The following IGFBP7 variants were observed in gnomAD, a reference collection of about 807,000 sequenced individuals.
IGFBP7 encodes insulin-like growth factor-binding protein 7.
IGFBP7 carries 31 observed loss-of-function variants against 29.4 expected under a neutral mutation model. The ratio of observed to expected loss-of-function variants is 1.05; its 90% CI spans 0.79 to 1.42. IGFBP7 has a LOEUF of 1.42. Among genes scored for constraint, IGFBP7 ranks in the 40% most tolerant of loss-of-function variants. The probability of loss-of-function intolerance (pLI) is 0.00; values close to 1 mark genes in which losing one functional copy is unlikely to be tolerated. For synonymous variants in IGFBP7, 172 were observed against 174.9 expected (o/e 0.98, Z 0.13); for missense variants, 393 against 395.5 (o/e 0.99, Z 0.05).
chr4:57,062,698 C>T (rs1045654580), intron 1 of IGFBP7, among the ~76,000 whole-genome samples: 13 of 152,096 alleles, frequency 8.5e-5, no homozygotes, highest in Admixed American at 7.2e-4. Flanking sequence ...CTTTGTGTTT[C>T]GTCTTGCAAA....
intron 4 of IGFBP7, 25 bp downstream of exon 4, chr4:57,032,401 A>G (rs1396718431): frequency 6.2e-7 from 1 of 1,612,096 alleles, no homozygotes; most frequent in Middle Eastern, 1.7e-4. Flanking sequence ...GTCATTTTTA[A>G]ATGGCTGTGA....
At chr4:57,085,549 T>C (rs1345900656) in intron 1 of IGFBP7, among the ~76,000 whole-genome samples, 1 of 146,654 alleles carries the variant, frequency 6.8e-6, no homozygotes, top group Non-Finnish European at 1.5e-5. Flanking sequence ...ATTTAAAAAA[T>C]GTCTTTTAGC....
intron 1 of IGFBP7, among the ~76,000 whole-genome samples, chr4:57,049,059 T>G (rs560765887): frequency 6.6e-6 from 1 of 152,304 alleles, no homozygotes; most frequent in Admixed American, 6.5e-5. Context: ...GCTCTCATTC[T>G]CTGCAAATCA....
At chr4:57,048,864 A>G (rs1724430742) in intron 1 of IGFBP7, among the ~76,000 whole-genome samples, 1 of 152,236 alleles carries the variant, frequency 6.6e-6, no homozygotes, top group East Asian at 1.9e-4. Context: ...ATTTATAGCC[A>G]AAAGACCTTG....
chr4:57,042,105 T>G (rs1724240008), intron 1 of IGFBP7, among the ~76,000 whole-genome samples: 1 of 151,852 alleles, frequency 6.6e-6, no homozygotes, highest in South Asian at 2.1e-4. Context: ...GAGGCCAGAA[T>G]GATGCTTCTC....
intron 1 of IGFBP7, among the ~76,000 whole-genome samples, chr4:57,079,220 C>G (rs530345830): frequency 1.9e-4 from 29 of 151,998 alleles, no homozygotes; most frequent in African/African-American, 7.0e-4. Context: ...CTTGTGATTT[C>G]CCTTTTTTGG....
At chr4:57,063,817 T>C (rs958548568) in intron 1 of IGFBP7, among the ~76,000 whole-genome samples, 1 of 152,112 alleles carries the variant, frequency 6.6e-6, no homozygotes, top group Non-Finnish European at 1.5e-5. Context: ...ATGACCAGAG[T>C]TGCTGATTCT....
rs1053073883 is a variant in IGFBP7 at position 57,046,664 on chromosome 4, T to G, written c.476-5731A>C. 2.0e-5 allele frequency among the ~76,000 whole-genome samples: 3 copies of G among 152,278 alleles called. 1 individual carries two copies. The South Asian group carries it at 6.2e-4, about 32-fold the overall frequency. On this transcript the variant is annotated intron_variant, in intron 1 of 4. Transcript: ENST00000295666. ...TTTATTTATCCTTGCCCTTGTTCCA[T>G]TAAGAGCTCCAGACTGCTCAAACAT...
intron 1 of IGFBP7, among the ~76,000 whole-genome samples, chr4:57,064,519 C>A (rs1724873841): frequency 6.6e-6 from 1 of 152,212 alleles, no homozygotes; most frequent in African/African-American, 2.4e-5. Context: ...AATTTAGATT[C>A]TATTTCCCAA....
intron 1 of IGFBP7, among the ~76,000 whole-genome samples, chr4:57,076,881 G>A (rs978216583): frequency 3.3e-5 from 5 of 152,134 alleles, no homozygotes; most frequent in South Asian, 2.1e-4. Flanking sequence ...TCCTGAAAAC[G>A]CAGTCATGTG....
intron 1 of IGFBP7, among the ~76,000 whole-genome samples, chr4:57,098,040 CAT>C (rs1394184912): frequency 1.3e-5 from 2 of 152,144 alleles, no homozygotes; most frequent in African/African-American, 4.8e-5. Flanking sequence ...GATCCTAAGA[CAT>C]GTGAAAAACT....
intron 1 of IGFBP7, among the ~76,000 whole-genome samples, chr4:57,044,795 C>A (rs966104000): frequency 6.6e-5 from 10 of 152,152 alleles, no homozygotes; most frequent in African/African-American, 1.9e-4. Context: ...AAATAGAGGG[C>A]AGATCTAATA....
At position 57,110,073 on chromosome 4, in the gene IGFBP7, C is replaced by T. The variant is rs1726149804; in HGVS notation, c.279G>A (p.Arg93=). Reference sequence around the variant, plus strand: ...CTGCTGCCCCGGCTTTACCCTTCCGCCTCTTGCGGCTCTTCACGCACTCCA... The same window carrying T: ...CTGCTGCCCCGGCTTTACCCTTCCGTCTCTTGCGGCTCTTCACGCACTCCA... ...PGMECVKSRK[R]RKGKAGAAAG... The change falls in exon 1 of 5, where the codon AGG becomes AGA. Residue 93 remains arginine (R), a synonymous_variant. Transcript: ENST00000295666. 6.4e-7 allele frequency: 1 copy of T among 1,558,380 alleles called. No homozygotes were observed. Among genetic ancestry groups the T allele is most frequent in the African/African-American group, 1.4e-5 (1 of 73,562 alleles).
At chr4:57,074,123 C>A (rs926476738) in intron 1 of IGFBP7, among the ~76,000 whole-genome samples, 4 of 152,096 alleles carry the variant, frequency 2.6e-5, no homozygotes, top group Non-Finnish European at 5.9e-5. Flanking sequence ...TGCAGTGGAG[C>A]AATCCCAGCT....
intron 1 of IGFBP7, among the ~76,000 whole-genome samples, chr4:57,044,911 T>C (rs939097150): frequency 1.3e-5 from 2 of 152,234 alleles, no homozygotes; most frequent in Admixed American, 6.5e-5. Context: ...AGTCTTGCTA[T>C]GTTGACTAGG....
At chr4:57,048,465 A>G (rs1724422290) in intron 1 of IGFBP7, among the ~76,000 whole-genome samples, 1 of 152,370 alleles carries the variant, frequency 6.6e-6, no homozygotes, top group East Asian at 1.9e-4. Context: ...CTACTGATAC[A>G]GAAAAGGTAG....
chr4:57,053,558 A>G (rs1724568305), intron 1 of IGFBP7, among the ~76,000 whole-genome samples: 1 of 152,156 alleles, frequency 6.6e-6, no homozygotes, highest in Non-Finnish European at 1.5e-5. Context: ...CATGTGATAG[A>G]TGAGGTAACA....
chr4:57,057,187 T>A (rs187227505), intron 1 of IGFBP7, among the ~76,000 whole-genome samples: 124 of 152,276 alleles, frequency 8.1e-4, no homozygotes, highest in Admixed American at 6.1e-3. Context: ...TTAAAATTTG[T>A]TTTGTAGAGA....
At chr4:57,096,348 T>C (rs558262220) in intron 1 of IGFBP7, among the ~76,000 whole-genome samples, 1 of 150,314 alleles carries the variant, frequency 6.7e-6, no homozygotes. Context: ...AACTGGCCTA[T>C]TATTATTATG....
Sources: gnomAD v4.1 joint callset for allele counts (sites outside exome capture counted in the v4.1 genomes callset) on GRCh38, gnomAD v4.1.1 for gene constraint, MANE v1.5 for transcripts, NCBI Gene and HGNC (gene_info 2026-07-23, HGNC 2026-07-21) for gene names.